The following GRID2 variants were observed in gnomAD, a reference collection of about 807,000 sequenced individuals.
The protein encoded by GRID2 is glutamate receptor ionotropic, delta-2.
In GRID2, 33 loss-of-function variants were observed where a neutral mutation model predicts 114.8. The ratio of observed to expected loss-of-function variants is 0.29; its 90% CI spans 0.22 to 0.38. The LOEUF (loss-of-function observed/expected upper bound fraction) is 0.38. Among genes scored for constraint, GRID2 ranks in the 10% least tolerant of loss-of-function variants. The pLI is 1.00. For synonymous variants in GRID2, 505 were observed against 449.9 expected, an observed-to-expected ratio of 1.12 and a Z score of -1.55; for missense variants, 1,184 against 1,257.7, an observed-to-expected ratio of 0.94 and a Z score of 0.89.
At chr4:93,585,979 G>C (rs537213775) in intron 13 of GRID2, among the ~76,000 whole-genome samples, 6 of 152,110 alleles carry the variant, frequency 3.9e-5, no homozygotes, top group African/African-American at 1.4e-4. Context: ...GCACTTTCCT[G>C]TGGTGATTTT....
At chr4:92,704,705 C>CAA (rs1283120786) in intron 2 of GRID2, among the ~76,000 whole-genome samples, 1 of 141,098 alleles carries the variant, frequency 7.1e-6, no homozygotes, top group Admixed American at 7.0e-5. Flanking sequence ...CAATCAATCT[C>CAA]TCTCTCTCTC....
At chr4:93,331,038 T>C (rs550273502) in intron 8 of GRID2, among the ~76,000 whole-genome samples, 354 of 152,038 alleles carry the variant, frequency 2.3e-3, no homozygotes, top group African/African-American at 6.6e-3. Context: ...AGATCATTTG[T>C]CTTCTCTGTT....
At chr4:92,326,915 T>C (rs2110136369) in intron 1 of GRID2, among the ~76,000 whole-genome samples, 1 of 152,048 alleles carries the variant, frequency 6.6e-6, no homozygotes, top group African/African-American at 2.4e-5. Context: ...CACTTCTTTT[T>C]TCCTCAGGTA....
At chr4:92,836,992 G>A (rs919427463) in intron 2 of GRID2, among the ~76,000 whole-genome samples, 1 of 152,030 alleles carries the variant, frequency 6.6e-6, no homozygotes, top group Non-Finnish European at 1.5e-5. Context: ...AAAACACCAA[G>A]GGTTCAGTCT....
At chr4:93,680,682 T>C (rs1367618348) in intron 14 of GRID2, among the ~76,000 whole-genome samples, 3 of 151,352 alleles carry the variant, frequency 2.0e-5, no homozygotes, top group African/African-American at 7.3e-5. Context: ...AAAAACCACA[T>C]GATTATCTCA....
chr4:93,312,193 C>T (rs6853832), intron 8 of GRID2, among the ~76,000 whole-genome samples: 81,785 of 151,876 alleles, frequency 0.54, 22,653 homozygotes, highest in African/African-American at 0.67. Context: ...AAGGAACTTA[C>T]AGAAGTTAAC....
intron 1 of GRID2, among the ~76,000 whole-genome samples, chr4:93,792,009 T>C (rs1308631001): frequency 6.6e-6 from 1 of 152,222 alleles, no homozygotes; most frequent in Non-Finnish European, 1.5e-5. Flanking sequence ...TAAATATAGA[T>C]GATTTACAGT....
At chr4:92,768,220 T>C (rs1738360806) in intron 2 of GRID2, among the ~76,000 whole-genome samples, 3 of 152,214 alleles carry the variant, frequency 2.0e-5, no homozygotes, top group African/African-American at 4.8e-5. Context: ...GTTTTTCTAT[T>C]GTTATATGTG....
At chr4:93,196,646 C>T (rs2149454010) in intron 4 of GRID2, among the ~76,000 whole-genome samples, 1 of 152,236 alleles carries the variant, frequency 6.6e-6, no homozygotes, top group Non-Finnish European at 1.5e-5. Context: ...CCAAGCTACA[C>T]AAAGACTTTC....
chr4:93,585,334 A>G (rs1259181745), intron 13 of GRID2, among the ~76,000 whole-genome samples: 1 of 152,138 alleles, frequency 6.6e-6, no homozygotes, highest in East Asian at 1.9e-4. Context: ...TTTGGCACCC[A>G]GCAAGTGGAA....
chr4:92,772,352 T>G lies in GRID2; in HGVS notation c.244+182066T>G, dbSNP rs538440963. ...TGTTCTTTTTCATTTACATACCTTCTTACCTTTCTGTGTCCCTCTCTACTT... is the reference window on the plus strand; with the variant it reads ...TGTTCTTTTTCATTTACATACCTTCGTACCTTTCTGTGTCCCTCTCTACTT... On this transcript the variant is annotated intron_variant, in intron 2 of 15. Coordinates refer to ENST00000282020, the MANE Select transcript of GRID2 (RefSeq NM_001510.4). Among the ~76,000 whole-genome samples the G allele has an allele frequency of 7.0e-4, 107 of 152,252 alleles. 1 individual carries two copies. Among genetic ancestry groups the G allele is most frequent in the Middle Eastern group, 3.4e-3 (1 of 294 alleles).
intron 2 of GRID2, among the ~76,000 whole-genome samples, chr4:92,870,802 T>C (rs1745219427): frequency 1.3e-5 from 2 of 152,120 alleles, no homozygotes; most frequent in Non-Finnish European, 2.9e-5. Flanking sequence ...AGTTTAAAAT[T>C]AGGTTGCTGA....
At chr4:92,818,990 A>G (rs1055974262) in intron 2 of GRID2, among the ~76,000 whole-genome samples, 18 of 152,096 alleles carry the variant, frequency 1.2e-4, no homozygotes, top group African/African-American at 4.3e-4. Flanking sequence ...CAAGAGCTTC[A>G]TTCTCACTGT....
intron 4 of GRID2, among the ~76,000 whole-genome samples, chr4:93,162,851 A>G (rs890404617): frequency 6.6e-6 from 1 of 151,974 alleles, no homozygotes; most frequent in African/African-American, 2.4e-5. Flanking sequence ...AGGCAATATG[A>G]GACAGCTCAA....
At chr4:93,748,462 C>A (rs1471234864) in intron 14 of GRID2, among the ~76,000 whole-genome samples, 1 of 152,146 alleles carries the variant, frequency 6.6e-6, no homozygotes, top group African/African-American at 2.4e-5. Flanking sequence ...AAGAACCTCT[C>A]TGCATCACTC....
At chr4:92,610,262 G>A (rs1729653747) in intron 2 of GRID2, among the ~76,000 whole-genome samples, 1 of 151,604 alleles carries the variant, frequency 6.6e-6, no homozygotes, top group African/African-American at 2.4e-5. Context: ...TGCATTAGGG[G>A]ATGACTGAGC....
chr4:92,990,305 ATGTGTGTGTG>A, intron 2 of GRID2, among the ~76,000 whole-genome samples: 1 of 71,476 alleles, frequency 1.4e-5, no homozygotes, highest in South Asian at 4.8e-4. Flanking sequence ...ATATATATAT[ATGTGTGTGTG>A]TGTGTGTGTG....
intron 8 of GRID2, among the ~76,000 whole-genome samples, chr4:93,361,006 A>C (rs1358649303): frequency 6.6e-6 from 1 of 151,550 alleles, no homozygotes; most frequent in African/African-American, 2.4e-5. Flanking sequence ...ATATTGAATA[A>C]TTTTTCTCCA....
chr4:93,679,095 A>C lies in GRID2; in HGVS notation c.2360+52660A>C, dbSNP rs762436107. On this transcript the variant is annotated intron_variant, in intron 14 of 15. Transcript: ENST00000282020. ...AGGATGGAGGAAGATCTACCAAGCA[A>C]ATGGAAAATAAAAAAAGTCAGGGAT... Among the ~76,000 whole-genome samples, 23 of 151,320 alleles carry C rather than the reference A, an allele frequency of 1.5e-4. 1 individual carries two copies. The highest frequency in any genetic ancestry group is 5.4e-4 in the African/African-American group (22 of 40,866).
Sources: gnomAD v4.1 joint callset for allele counts (sites outside exome capture counted in the v4.1 genomes callset) on GRCh38, gnomAD v4.1.1 for gene constraint, MANE v1.5 for transcripts, NCBI Gene and HGNC (gene_info 2026-07-23, HGNC 2026-07-21) for gene names.